The following GTPBP4 variants were observed in gnomAD, a reference collection of about 807,000 sequenced individuals.
GTPBP4 encodes the protein GTP-binding protein 4.
A neutral mutation model predicts 81.7 loss-of-function variants in GTPBP4; 15 were observed. That is an observed-to-expected ratio of 0.18 (90% CI 0.12 to 0.28). The LOEUF (loss-of-function observed/expected upper bound fraction) is 0.28, where lower values mean the gene tolerates loss of function less well. Among genes scored for constraint, GTPBP4 ranks in the 10% least tolerant of loss-of-function variants. The pLI is 1.00. For missense variants in GTPBP4, 847 were observed against 793.8 expected, an observed-to-expected ratio of 1.07 and a Z score of -0.81; for synonymous variants, 272 against 274.6, an observed-to-expected ratio of 0.99 and a Z score of 0.09.
intron 7 of GTPBP4, 28 bp from the exon 8 acceptor site, chr10:1,000,920 G>A (rs138913470): frequency 1.9e-6 from 3 of 1,609,722 alleles, no homozygotes; most frequent in African/African-American, 2.7e-5. Context: ...CGAGAATAAT[G>A]ATTTCATTAT....
Position 1,018,547 on chromosome 10 carries a change from G to A in GTPBP4, c.*1320G>A, listed in dbSNP as rs1242729622. 6.6e-6 allele frequency: 1 copy of A among 150,882 alleles called. No homozygotes were observed. Among genetic ancestry groups the A allele is most frequent in the Non-Finnish European group, 1.5e-5 (1 of 67,904 alleles). 9.3% of individuals were successfully genotyped at this position (150,882 alleles called of 1,614,324 possible). On this transcript the variant is annotated 3_prime_UTR_variant, in exon 17 of 17. Coordinates refer to ENST00000360803, the MANE Select transcript of GTPBP4 (RefSeq NM_012341.3). ...AGTATGGCCGGGCGCGGCAGCTCAT[G>A]CCTGTAATCCCAGCACTTTGGGAGG... is the stretch of plus-strand genomic sequence containing the variant.
At chr10:996,068 T>C (rs761801907) in intron 3 of GTPBP4, 36 bp downstream of exon 3, 2 of 1,542,836 alleles carry the variant, frequency 1.3e-6, no homozygotes, top group African/African-American at 1.7e-5. Context: ...TTTTAAGTTA[T>C]CGAAAGTGGA....
rs774435852 is a variant in GTPBP4 at position 1,012,505 on chromosome 10, C to T, written c.1385C>T (p.Ala462Val). 5.6e-6 allele frequency: 9 copies of T among 1,613,098 alleles called. No homozygotes were observed. Among genetic ancestry groups the T allele is most frequent in the Admixed American group, 3.3e-5 (2 of 59,986 alleles). Reference sequence around the variant, plus strand: ...GAAAAAGAAGAAGAGCTGAGAACAGCTGCTGGAGAGTATGACAGTGTATCT... The same window carrying T: ...GAAAAAGAAGAAGAGCTGAGAACAGTTGCTGGAGAGTATGACAGTGTATCT... ...ELEKEEELRT[A>V]AGEYDSVSES... Residue 462 changes from alanine (A) to valine (V), a missense_variant, in exon 14 of 17, where the codon GCT (alanine) becomes GTT (valine). Around this residue, in one of 3 missense-constraint regions of GTPBP4, gnomAD observed 600 missense variants for 557.1 expected, o/e 1.08. Coordinates refer to ENST00000360803, the MANE Select transcript of GTPBP4 (RefSeq NM_012341.3).
chr10:1,001,054 T>G, intron 8 of GTPBP4, 41 bp downstream of exon 8: 1 of 1,390,776 alleles, frequency 7.2e-7, no homozygotes, highest in Non-Finnish European at 1.0e-6. Context: ...TACTTACCAA[T>G]TCTGAATTCT....
At chr10:988,858 C>A in intron 1 of GTPBP4, 1 of 282,232 alleles carries the variant, frequency 3.5e-6, no homozygotes, top group Non-Finnish European at 6.7e-6. Context: ...GAGGGGGACC[C>A]CGACATGTGA....
At chr10:999,349 G>A (rs987314875) in intron 6 of GTPBP4, among the ~76,000 whole-genome samples, 3 of 152,128 alleles carry the variant, frequency 2.0e-5, no homozygotes, top group South Asian at 2.1e-4. Flanking sequence ...TTGAACTCCT[G>A]ACTTCAGGTG....
intron 8 of GTPBP4, 134 bp from the exon 9 acceptor site, chr10:1,005,684 A>T: frequency 1.6e-6 from 1 of 627,362 alleles, no homozygotes; most frequent in South Asian, 1.8e-5. Context: ...TTTTTAGGAT[A>T]TGTCTGTTTT....
chr10:990,263 G>GT (rs1831418419), intron 1 of GTPBP4, among the ~76,000 whole-genome samples: 1 of 151,970 alleles, frequency 6.6e-6, no homozygotes, highest in Non-Finnish European at 1.5e-5. Flanking sequence ...CTGGGTGATG[G>GT]TAATTGTTTG....
At position 1,015,581 on chromosome 10, in the gene GTPBP4, TGAGCCTGGGAGCGGGGCTGGGGTC is replaced by T. The variant is rs1564472359; in HGVS notation, c.1609-171_1609-148del. The stretch of plus-strand genomic sequence containing the variant: ...GGAGCGGGGCTGGGGTCCTGAGCGC[TGAGCCTGGGAGCGGGGCTGGGGTC>T]CTGAGCGCTGAGCCTGGGAGTGGAC... On this transcript the variant is annotated intron_variant, in intron 15 of 16. Transcript: ENST00000360803. Among the ~76,000 whole-genome samples, 33 of 142,726 alleles carry T rather than the reference TGAGCCTGGGAGCGGGGCTGGGGTC, an allele frequency of 2.3e-4. 6 individuals carry two copies. The highest frequency in any genetic ancestry group is 6.9e-4 in the African/African-American group (25 of 36,068). 93.6% of individuals were successfully genotyped at this position (142,726 alleles called of 152,430 possible).
intron 10 of GTPBP4, among the ~76,000 whole-genome samples, chr10:1,007,574 AAAAT>A (rs1422465271): frequency 6.6e-6 from 1 of 152,220 alleles, no homozygotes; most frequent in Non-Finnish European, 1.5e-5. Flanking sequence ...GTCTCTATAA[AAAAT>A]AAATAAAATA....
chr10:1,002,067 G>T (rs1831644398), intron 8 of GTPBP4, among the ~76,000 whole-genome samples: 1 of 152,140 alleles, frequency 6.6e-6, no homozygotes, highest in African/African-American at 2.4e-5. Context: ...GGGATTACAG[G>T]CGTGCGCCAC....
chr10:1,003,075 A>C (rs139163022), intron 8 of GTPBP4, among the ~76,000 whole-genome samples: 68 of 152,278 alleles, frequency 4.5e-4, no homozygotes, highest in African/African-American at 1.5e-3. Flanking sequence ...TTGTCCCATA[A>C]ATCTTATAGG....
chr10:1,019,467 T>C lies in GTPBP4; in HGVS notation c.*2240T>C. On this transcript the variant is annotated 3_prime_UTR_variant, in exon 17 of 17. Coordinates refer to ENST00000360803, the MANE Select transcript of GTPBP4 (RefSeq NM_012341.3). The stretch of plus-strand genomic sequence containing the variant: ...GGTGTATCATTGCCTCAATGGTGCG[T>C]CTGCCTGCACTGAGGGCATTACACA... 1 of 1,467,928 alleles carries C rather than the reference T, an allele frequency of 6.8e-7. No homozygotes were observed. Among genetic ancestry groups the C allele is most frequent in the Non-Finnish European group, 9.3e-7 (1 of 1,076,232 alleles). The allele number at this position is 1,467,928 out of a possible 1,614,324, so 90.9% of individuals were successfully genotyped here. A position where few individuals can be genotyped will look rare whatever the true frequency, so the allele number is the denominator to read the frequency against.
chr10:996,391 G>A (rs1831538743), intron 4 of GTPBP4, 149 bp downstream of exon 4: 2 of 547,138 alleles, frequency 3.7e-6, no homozygotes, highest in South Asian at 7.8e-5. Context: ...AACAGTAATA[G>A]GCTGGTTTTT....
At chr10:1,009,493 A>G (rs769888187) in intron 11 of GTPBP4, 36 bp from the exon 12 acceptor site, 4 of 1,469,982 alleles carry the variant, frequency 2.7e-6, no homozygotes, top group Non-Finnish European at 3.8e-6. Context: ...CTGAAAGGCA[A>G]AATGAAGCTG....
At chr10:1,009,830 A>G (rs1645130279) in intron 12 of GTPBP4, among the ~76,000 whole-genome samples, 1 of 152,246 alleles carries the variant, frequency 6.6e-6, no homozygotes, top group African/African-American at 2.4e-5. Context: ...CCCCGTCTCT[A>G]CAAAAAATAC....
chr10:1,006,902 T>C (rs1831747496), intron 9 of GTPBP4, 116 bp from the exon 10 acceptor site: 1 of 682,614 alleles, frequency 1.5e-6, no homozygotes, highest in Admixed American at 2.2e-5. Context: ...CCCTACGTGT[T>C]AGTTACCTTG....
rs1333567953 is a variant in GTPBP4, at chr10:992,573, C to T, written c.133C>T (p.His45Tyr). The change falls in exon 2 of 17, where the codon CAT (histidine) becomes TAT (tyrosine). Residue 45 changes from histidine (H) to tyrosine (Y), a missense_variant. Transcript: ENST00000360803. ...HKHYQIHRIR[H>Y]FYMRKVKFTQ... ...ACATTACCAAATACATCGCATTAGA[C>T]ATTTTTACATGAGAAAAGTCAAATT... 1 of 1,595,356 alleles carries T rather than the reference C, an allele frequency of 6.3e-7. No homozygotes were observed.
Position 1,009,366 on chromosome 10 carries a change from G to A in GTPBP4, c.1192-163G>A, listed in dbSNP as rs187249974. ...CTACCAGAACCCAAAGGCTGGCCCC[G>A]CAGACAGGGAGATAAGAAACAGCCT... On this transcript the variant is annotated intron_variant, in intron 11 of 16. Coordinates refer to ENST00000360803, the MANE Select transcript of GTPBP4 (RefSeq NM_012341.3). Among the ~76,000 whole-genome samples the A allele has an allele frequency of 3.3e-3, 490 of 149,906 alleles. 2 individuals carry two copies. Among genetic ancestry groups the A allele is most frequent in the Non-Finnish European group, 5.1e-3 (350 of 67,988 alleles).
Sources: gnomAD v4.1 joint callset for allele counts (sites outside exome capture counted in the v4.1 genomes callset) on GRCh38, gnomAD v4.1.1 for gene constraint, gnomAD v4.1.1 regional missense constraint, MANE v1.5 for transcripts, NCBI Gene and HGNC (gene_info 2026-07-23, HGNC 2026-07-21) for gene names.